The following AK9 variants were observed in gnomAD, a reference collection of about 807,000 sequenced individuals.
AK9 encodes the protein adenylate kinase domain containing 1.
In AK9, 191 loss-of-function variants were observed where a neutral mutation model predicts 239.6. The ratio of observed to expected loss-of-function variants is 0.80; its 90% CI spans 0.71 to 0.90. The LOEUF (loss-of-function observed/expected upper bound fraction) is 0.90, where lower values mean the gene tolerates loss of function less well. Ranked by LOEUF, AK9 falls within the 40% of genes least tolerant of loss-of-function variation. The pLI is 0.00. For synonymous variants in AK9, 689 were observed against 721.0 expected (o/e 0.96, Z 0.71); for missense variants, 1,995 against 2,214.7 (o/e 0.90, Z 1.99).
intron 7 of AK9, 95 bp downstream of exon 7, chr6:109,659,133 G>A (rs1800077124): frequency 1.5e-6 from 2 of 1,341,156 alleles, no homozygotes; most frequent in African/African-American, 3.0e-5. Context: ...AAAATGTATA[G>A]CATCTACTAT....
In AK9 at chr6:109,684,873, C is replaced by CAAAAAAAAAAAAAAAAAAAAA. The variant is rs60500211; in HGVS notation, c.-12+6253_-12+6273dup. ...TGGGCGACAGAGTGAGACTCCGTCT[C>CAAAAAAAAAAAAAAAAAAAAA]AAAAAAAAAAAAAAAAAAAAAAAAA... On this transcript the variant is annotated intron_variant, in intron 1 of 40. Transcript: ENST00000424296. Among the ~76,000 whole-genome samples, 2 of 21,870 alleles carry CAAAAAAAAAAAAAAAAAAAAA rather than the reference C, an allele frequency of 9.1e-5. 1 individual carries two copies. The highest frequency in any genetic ancestry group is 1.6e-4 in the Non-Finnish European group (2 of 12,500). 14.3% of individuals were successfully genotyped at this position (21,870 alleles called of 152,430 possible).
chr6:109,625,111 G>A (rs1562511627), intron 12 of AK9, among the ~76,000 whole-genome samples: 1 of 152,028 alleles, frequency 6.6e-6, no homozygotes, highest in Non-Finnish European at 1.5e-5. Flanking sequence ...TCCAGAGCAT[G>A]TTAATAATTG....
chr6:109,600,054 T>C (rs1562474714), intron 17 of AK9, among the ~76,000 whole-genome samples: 2 of 152,234 alleles, frequency 1.3e-5, no homozygotes, highest in South Asian at 2.1e-4. Flanking sequence ...CTTTTCCTAA[T>C]TGAATACCCT....
At chr6:109,643,012 T>C (rs887857430) in intron 9 of AK9, among the ~76,000 whole-genome samples, 8 of 152,184 alleles carry the variant, frequency 5.3e-5, no homozygotes, top group African/African-American at 1.9e-4. Flanking sequence ...AGAGAAGGGC[T>C]CATGCCTTGT....
chr6:109,585,373 GC>G, intron 18 of AK9, 136 bp from the exon 19 acceptor site: 1 of 301,202 alleles, frequency 3.3e-6, no homozygotes, highest in Non-Finnish European at 5.4e-6. Context: ...TCTAAATAGA[GC>G]CCAGATTCTT....
intron 21 of AK9, 82 bp downstream of exon 21, chr6:109,573,360 A>G: frequency 2.2e-6 from 3 of 1,336,978 alleles, no homozygotes; most frequent in Non-Finnish European, 2.9e-6. Context: ...CCATTTTACC[A>G]ACAGGTATAC....
intron 17 of AK9, among the ~76,000 whole-genome samples, chr6:109,591,459 T>C (rs541719449): frequency 6.6e-6 from 1 of 152,130 alleles, no homozygotes; most frequent in Admixed American, 6.6e-5. Flanking sequence ...TTGGATTTTT[T>C]AAAAAAATCC....
intron 26 of AK9, among the ~76,000 whole-genome samples, chr6:109,545,135 C>A (rs1205859203): frequency 2.0e-5 from 3 of 152,174 alleles, no homozygotes; most frequent in Non-Finnish European, 2.9e-5. Flanking sequence ...CCAGTAAGCA[C>A]AGCTGTCTGC....
chr6:109,664,763 G>A (rs62435981), intron 5 of AK9, among the ~76,000 whole-genome samples: 83,793 of 151,348 alleles, frequency 0.55, 24,764 homozygotes, highest in South Asian at 0.78. Flanking sequence ...GGCCAGGTGC[G>A]GTGGGTCATG....
At chr6:109,585,394 AAT>A (rs1272619978) in intron 18 of AK9, among the ~76,000 whole-genome samples, 157 bp from the exon 19 acceptor site, 1 of 152,188 alleles carries the variant, frequency 6.6e-6, no homozygotes, top group Non-Finnish European at 1.5e-5. Context: ...TTAAAATATT[AAT>A]AGACCATCTT....
At chr6:109,516,371 T>C in intron 30 of AK9, 59 bp downstream of exon 30, 1 of 1,430,586 alleles carries the variant, frequency 7.0e-7, no homozygotes, top group South Asian at 1.3e-5. Context: ...ACTAAATTGC[T>C]TTAGTCTGAT....
At chr6:109,648,975 A>C (rs1363503590) in intron 8 of AK9, among the ~76,000 whole-genome samples, 1 of 152,226 alleles carries the variant, frequency 6.6e-6, no homozygotes, top group Admixed American at 6.5e-5. Flanking sequence ...ATATAAACAG[A>C]ACCAAAGACA....
At chr6:109,648,752 T>C (rs1172363333) in intron 8 of AK9, among the ~76,000 whole-genome samples, 3 of 152,220 alleles carry the variant, frequency 2.0e-5, no homozygotes, top group Non-Finnish European at 4.4e-5. Flanking sequence ...GAGGTCAGCA[T>C]CATCCTGATA....
intron 17 of AK9, among the ~76,000 whole-genome samples, chr6:109,604,039 C>G (rs1466302654): frequency 4.6e-5 from 7 of 151,674 alleles, no homozygotes; most frequent in Admixed American, 4.6e-4. Flanking sequence ...TGATGCTTCA[C>G]CGTGCTTCAG....
chr6:109,659,338 C>G lies in AK9; in HGVS notation c.520G>C (p.Asp174His). The G allele has an allele frequency of 6.2e-7, 1 of 1,610,738 alleles. No homozygotes were observed. The highest frequency in any genetic ancestry group is 8.5e-7 in the Non-Finnish European group (1 of 1,179,130). ...TCAATGACTTCAGGATCCCACTGGT[C>G]TCTACTGTATATGTATCCCGTATTA... ...HNNTGYIYSRDQWDPEVIENH... is the reference protein window; with the variant it reads ...HNNTGYIYSRHQWDPEVIENH... The change falls in exon 7 of 41, where the codon GAC (aspartate) becomes CAC (histidine). Residue 174 changes from aspartate to histidine, a missense_variant. Physicochemically the swap from Asp to His is moderately conservative, Grantham distance 81. This residue lies in a region of AK9 where 252 missense variants were observed against 246.4 expected (regional missense o/e 1.02). Transcript: ENST00000424296.
At chr6:109,503,570 A>G (rs73520979) in intron 35 of AK9, among the ~76,000 whole-genome samples, 4,426 of 152,266 alleles carry the variant, frequency 0.029, 201 homozygotes, top group African/African-American at 0.1. Context: ...GAGCATGAAA[A>G]AAACCAAAAC....
intron 17 of AK9, among the ~76,000 whole-genome samples, chr6:109,588,294 C>T (rs1397217930): frequency 2.0e-5 from 3 of 152,114 alleles, no homozygotes; most frequent in African/African-American, 7.2e-5. Flanking sequence ...TGGTCTCGAT[C>T]TCCTGACCTC....
chr6:109,536,728 T>C (rs1782046795), intron 27 of AK9, among the ~76,000 whole-genome samples: 1 of 152,228 alleles, frequency 6.6e-6, no homozygotes, highest in South Asian at 2.1e-4. Context: ...CAGTATGATA[T>C]TGGCTGTGGG....
intron 29 of AK9, 92 bp from the exon 30 acceptor site, chr6:109,516,734 C>T (rs1306876128): frequency 5.3e-6 from 6 of 1,139,030 alleles, no homozygotes; most frequent in South Asian, 2.9e-5. Context: ...TGTAATGGCT[C>T]GATATTGGTT....
Sources: allele counts gnomAD v4.1 joint callset (sites outside exome capture counted in the v4.1 genomes callset), GRCh38; gene constraint gnomAD v4.1.1; regional missense constraint gnomAD v4.1.1; transcripts MANE v1.5; gene names NCBI Gene and HGNC (gene_info 2026-07-23, HGNC 2026-07-21).